The following ZDHHC15 variants were observed in gnomAD, a reference collection of about 807,000 sequenced individuals.
ZDHHC15 encodes palmitoyltransferase ZDHHC15.
A neutral mutation model predicts 31.7 loss-of-function variants in ZDHHC15; 19 were observed. That is an observed-to-expected ratio of 0.60 (90% CI 0.42 to 0.88). ZDHHC15 has a LOEUF of 0.88. Ranked by LOEUF, ZDHHC15 falls within the 40% of genes least tolerant of loss-of-function variation. The pLI, the probability that ZDHHC15 is intolerant of heterozygous loss-of-function variation, is 0.00. For synonymous variants in ZDHHC15, 103 were observed against 90.0 expected (o/e 1.14, Z -0.82); for missense variants, 209 against 251.2 (o/e 0.83, Z 1.14).
chrX:75,455,919 T>C (rs1369127899), intron 3 of ZDHHC15, among the ~76,000 whole-genome samples: 1 of 111,587 alleles, frequency 9.0e-6, no homozygotes, highest in Non-Finnish European at 1.9e-5. Flanking sequence ...TGTAAACTAG[T>C]TCAACCATTT....
chrX:75,407,691 G>T (rs763315008), intron 10 of ZDHHC15, among the ~76,000 whole-genome samples: 1 of 112,649 alleles, frequency 8.9e-6, no homozygotes, highest in African/African-American at 3.2e-5. Context: ...CTGCCCGGCC[G>T]CCACCCCATC....
chrX:75,398,940 A>T (rs893744588), intron 10 of ZDHHC15, among the ~76,000 whole-genome samples: 5 of 112,238 alleles, frequency 4.5e-5, no homozygotes, highest in Non-Finnish European at 9.4e-5. Flanking sequence ...TGTGGTCTCC[A>T]GCCACTTCCT....
At chrX:75,373,926 G>GGTTTTTT (rs2083027725) in intron 11 of ZDHHC15, among the ~76,000 whole-genome samples, 4 of 50,456 alleles carry the variant, frequency 7.9e-5, no homozygotes, top group Non-Finnish European at 1.4e-4. Context: ...CATTCTTTCT[G>GGTTTTTT]TTTTTTTTTT....
chrX:75,406,029 A>G (rs2083407437), intron 10 of ZDHHC15, among the ~76,000 whole-genome samples: 2 of 112,161 alleles, frequency 1.8e-5, no homozygotes, highest in Non-Finnish European at 3.8e-5. Flanking sequence ...CACAATGGAT[A>G]AAACTAGAAA....
At chrX:75,461,681 A>C (rs193071114) in intron 3 of ZDHHC15, among the ~76,000 whole-genome samples, 132 of 112,008 alleles carry the variant, frequency 1.2e-3, no homozygotes, top group African/African-American at 4.1e-3. Context: ...TACCAAACTA[A>C]GCTTCCTAAC....
At chrX:75,492,513 T>C (rs996309148) in intron 2 of ZDHHC15, among the ~76,000 whole-genome samples, 1 of 111,433 alleles carries the variant, frequency 9.0e-6, no homozygotes, top group Non-Finnish European at 1.9e-5. Context: ...TATTCCAAAA[T>C]TGACCACATA....
rs16991959 is a variant in ZDHHC15, at chrX:75,383,067, G to T, written c.968-3869C>A. On this transcript the variant is annotated intron_variant, in intron 10 of 11. Coordinates refer to ENST00000373367, the MANE Select transcript of ZDHHC15 (RefSeq NM_144969.3). ...TCCTTAAAAGATCTATAAACTGAAA[G>T]GTAAACAGGAACAAAGGAGAGATAC... Among the ~76,000 whole-genome samples the T allele has an allele frequency of 5.6e-3, 628 of 111,371 alleles. 4 individuals are homozygous for T. The highest frequency in any genetic ancestry group is 0.019 in the African/African-American group (591 of 30,623).
At chrX:75,435,448 TC>T (rs1407397174) in intron 4 of ZDHHC15, among the ~76,000 whole-genome samples, 1 of 112,134 alleles carries the variant, frequency 8.9e-6, no homozygotes, top group African/African-American at 3.2e-5. Flanking sequence ...TTTCAACTTT[TC>T]CCCATTCAGT....
chrX:75,463,736 A>C (rs1208370780), intron 3 of ZDHHC15, among the ~76,000 whole-genome samples: 1 of 111,842 alleles, frequency 8.9e-6, no homozygotes, highest in East Asian at 2.8e-4. Flanking sequence ...TCAAAACCAC[A>C]ATGAAATACC....
intron 3 of ZDHHC15, among the ~76,000 whole-genome samples, chrX:75,454,891 T>A (rs1178226492): frequency 8.9e-6 from 1 of 111,813 alleles, no homozygotes; most frequent in Admixed American, 9.6e-5. Context: ...TGGAAGAACA[T>A]TCCATGCTCA....
chrX:75,384,492 A>G, intron 10 of ZDHHC15: 1 of 730,429 alleles, frequency 1.4e-6, no homozygotes, highest in Non-Finnish European at 2.1e-6. Context: ...GTACTGTTCA[A>G]AAAGGAATGC....
At chrX:75,432,997 A>T (rs1052543338) in intron 4 of ZDHHC15, among the ~76,000 whole-genome samples, 1 of 111,006 alleles carries the variant, frequency 9.0e-6, no homozygotes, top group African/African-American at 3.3e-5. Flanking sequence ...AAATAAAAAA[A>T]AAAATGTAAA....
chrX:75,439,852 T>C lies in ZDHHC15; in HGVS notation c.380-8332A>G, dbSNP rs938720999. ...TGCTGTTCAGATTCTTTTCTTCCAC[T>C]GGGTGATCCCTTGATGTGGTGTTCT... On this transcript the variant is annotated intron_variant, in intron 4 of 11. Coordinates refer to ENST00000373367, the MANE Select transcript of ZDHHC15 (RefSeq NM_144969.3). Among the ~76,000 whole-genome samples, 6 of 111,858 alleles carry C rather than the reference T, an allele frequency of 5.4e-5. No homozygotes were observed. The East Asian group carries it at 1.7e-3, about 31-fold the overall frequency.
At chrX:75,437,879 T>A (rs2083884919) in intron 4 of ZDHHC15, among the ~76,000 whole-genome samples, 1 of 111,127 alleles carries the variant, frequency 9.0e-6, no homozygotes, top group South Asian at 3.9e-4. Context: ...TCCATACTCA[T>A]CTGACAAAGG....
At chrX:75,446,492 G>T (rs1418847520) in intron 4 of ZDHHC15, among the ~76,000 whole-genome samples, 3 of 112,144 alleles carry the variant, frequency 2.7e-5, no homozygotes, top group Non-Finnish European at 5.6e-5. Context: ...AAGGAAATTT[G>T]GAAAAGAAGT....
At chrX:75,384,216 A>G in intron 10 of ZDHHC15, 1 of 449,196 alleles carries the variant, frequency 2.2e-6, no homozygotes, top group Non-Finnish European at 3.9e-6. Context: ...TATGTAATCA[A>G]AAGTATACAA....
At chrX:75,454,762 A>G (rs1234090966) in intron 3 of ZDHHC15, among the ~76,000 whole-genome samples, 1 of 111,290 alleles carries the variant, frequency 9.0e-6, no homozygotes, top group African/African-American at 3.3e-5. Context: ...CTTAAAGTAT[A>G]ATAATAAAAA....
intron 11 of ZDHHC15, among the ~76,000 whole-genome samples, chrX:75,376,849 G>C (rs771468370): frequency 6.9e-4 from 76 of 110,881 alleles, no homozygotes; most frequent in African/African-American, 2.5e-3. Flanking sequence ...GTACATTTTT[G>C]GGGTAAAAAT....
At chrX:75,410,456 T>C (rs1246097781) in intron 10 of ZDHHC15, among the ~76,000 whole-genome samples, 2 of 111,811 alleles carry the variant, frequency 1.8e-5, no homozygotes, top group Non-Finnish European at 3.8e-5. Flanking sequence ...TGAATAGATG[T>C]TTCTCACAAG....
Sources: allele counts gnomAD v4.1 joint callset (sites outside exome capture counted in the v4.1 genomes callset), GRCh38; gene constraint gnomAD v4.1.1; transcripts MANE v1.5; gene names NCBI Gene and HGNC (gene_info 2026-07-23, HGNC 2026-07-21).